The following WDR18 variants were observed in gnomAD, a reference collection of about 807,000 sequenced individuals.
The protein encoded by WDR18 is WD repeat-containing protein 18.
In WDR18, 33 loss-of-function variants were observed where a neutral mutation model predicts 49.6. The ratio of observed to expected loss-of-function variants is 0.67; its 90% CI spans 0.50 to 0.89. The LOEUF (loss-of-function observed/expected upper bound fraction) is 0.89, where lower values mean the gene tolerates loss of function less well. WDR18 is among the 40% of genes least tolerant of loss of function. The probability of loss-of-function intolerance (pLI) is 0.00; values close to 1 mark genes in which losing one functional copy is unlikely to be tolerated. For missense variants in WDR18, 653 were observed against 593.6 expected, an observed-to-expected ratio of 1.10 and a Z score of -1.04; for synonymous variants, 315 against 263.6, an observed-to-expected ratio of 1.19 and a Z score of -1.89.
At position 991,269 on chromosome 19, in the gene WDR18, G is replaced by A. The variant is rs1466569291; in HGVS notation, c.849G>A (p.Val283=). Residue 283 remains valine, a synonymous_variant, in exon 7 of 10, where the codon GTG becomes GTA. Transcript: ENST00000585809. ...TGTCAGTGTCCACTGACGGCAGCGT[G>A]CTGCTCTCAGGCTCCCACGACGAGA... ...TCLSVSTDGS[V]LLSGSHDETV... The A allele has an allele frequency of 1.3e-6, 2 of 1,571,786 alleles. No individual in the cohort carries two copies. The highest frequency in any genetic ancestry group is 1.7e-6 in the Non-Finnish European group (2 of 1,157,560).
intron 7 of WDR18, 136 bp from the exon 8 acceptor site, chr19:991,819 C>T (rs1429690402): frequency 3.1e-6 from 3 of 959,032 alleles, no homozygotes; most frequent in Admixed American, 5.3e-5. Context: ...GGGGCGGGGC[C>T]TGGCTGGGGG....
intron 2 of WDR18, among the ~76,000 whole-genome samples, chr19:988,114 G>T (rs1363323979): frequency 2.0e-5 from 3 of 151,880 alleles, no homozygotes; most frequent in African/African-American, 7.3e-5. Flanking sequence ...ACAGGCGTGA[G>T]CCACTGCAGC....
chr19:990,727 A>G, intron 4 of WDR18, 125 bp from the exon 5 acceptor site: 1 of 1,382,660 alleles, frequency 7.2e-7, no homozygotes, highest in Non-Finnish European at 9.5e-7. Context: ...GACGGCTTTC[A>G]CCCAAAGTCG....
chr19:986,164 C>G (rs2038472630), intron 2 of WDR18, among the ~76,000 whole-genome samples, 189 bp downstream of exon 2: 1 of 152,198 alleles, frequency 6.6e-6, no homozygotes, highest in Non-Finnish European at 1.5e-5. Context: ...AATCCCAGAC[C>G]AGCCCTAATC....
intron 2 of WDR18, among the ~76,000 whole-genome samples, chr19:989,193 A>AC (rs151209822): frequency 9.5e-5 from 11 of 115,212 alleles, no homozygotes; most frequent in African/African-American, 2.2e-4. Flanking sequence ...CGAACCCACA[A>AC]CCCCCCCCAG....
rs779897285 is a variant in WDR18 at position 990,319 on chromosome 19, C to T, written c.552C>T (p.Gly184=). 5.0e-6 allele frequency: 8 copies of T among 1,593,358 alleles called. No individual in the cohort carries two copies. In the South Asian group the frequency reaches 7.8e-5, roughly 15 times the overall value. The part of the protein sequence containing the change: ...PITDLHCGFG[G]PLARVATSSL... ...CGGACCTGCACTGCGGCTTTGGGGG[C>T]CCCCTGGCCCGGGTGGCCACCTCCT... The change falls in exon 4 of 10, where the codon GGC becomes GGT. Residue 184 remains glycine (G), a synonymous_variant. Transcript: ENST00000585809.
chr19:990,185 G>C (rs10409367), intron 3 of WDR18, 38 bp from the exon 4 acceptor site: 1,050,784 of 1,561,824 alleles, frequency 0.67, 358,402 homozygotes, highest in Non-Finnish European at 0.71. Flanking sequence ...TGTTCCCTCC[G>C]CTCCCCGCCT....
At chr19:987,503 T>A (rs1599444616) in intron 2 of WDR18, among the ~76,000 whole-genome samples, 5 of 152,296 alleles carry the variant, frequency 3.3e-5, no homozygotes, top group Middle Eastern at 6.8e-3. Flanking sequence ...GCTCAAGCGA[T>A]CCTCCCAGGT....
chr19:984,781 G>T (rs548082491), intron 1 of WDR18, among the ~76,000 whole-genome samples: 7 of 151,728 alleles, frequency 4.6e-5, no homozygotes, highest in African/African-American at 1.7e-4. Flanking sequence ...TCAGGCCTGA[G>T]CTGCTATGGG....
chr19:990,259 C>T lies in WDR18; in HGVS notation c.492C>T (p.Pro164=). ...LQADPSRIPA[P]RHVWSHHALP... ...CCGACCCCTCCAGGATTCCGGCGCC[C>T]AGGCACGTCTGGTCTCACCACGCGC... is the stretch of plus-strand genomic sequence containing the variant. The change falls in exon 4 of 10, where the codon CCC becomes CCT. Residue 164 remains proline (P), a synonymous_variant. Transcript: ENST00000585809. 6.3e-7 allele frequency: 1 copy of T among 1,599,204 alleles called. No homozygotes were observed.
At position 994,088 on chromosome 19, in the gene WDR18, G is replaced by A; in HGVS notation, c.1167G>A (p.Lys389=). The A allele has an allele frequency of 6.4e-7, 1 of 1,556,750 alleles. No individual in the cohort carries two copies. Residue 389 remains lysine (K), a splice_region_variant and synonymous_variant, in exon 9 of 10, where the codon AAG becomes AAA. Transcript: ENST00000585809. ...CCGTCCTGTGCAGCACCATGGAGAA[G>A]GTGGGCGGGGCCTCGGGAGGGGCGG... ...LQAVLCSTME[K]SVLGGQDQLR...
At chr19:986,679 G>C (rs1031695229) in intron 2 of WDR18, among the ~76,000 whole-genome samples, 1 of 152,210 alleles carries the variant, frequency 6.6e-6, no homozygotes, top group Non-Finnish European at 1.5e-5. Context: ...AACTGTTCAG[G>C]CTTTGCATTT....
rs947630934 is a variant in WDR18 at position 994,046 on chromosome 19, C to G, written c.1125C>G (p.Arg375=). 1 of 1,560,250 alleles carries G rather than the reference C, an allele frequency of 6.4e-7. No individual in the cohort carries two copies. The highest frequency in any genetic ancestry group is 8.7e-7 in the Non-Finnish European group (1 of 1,153,352). ...QQGSEPSYLD[R]TEQLQAVLCS... ...GCTCGGAGCCCAGCTACCTGGACCG[C>G]ACGGAGCAGCTGCAGGCCGTCCTGT... is the stretch of plus-strand genomic sequence containing the variant. The change falls in exon 9 of 10, where the codon CGC becomes CGG. Residue 375 remains arginine (R), a synonymous_variant. Coordinates refer to ENST00000585809, the MANE Select transcript of WDR18 (RefSeq NM_024100.4).
rs3815160 is a variant in WDR18, at chr19:989,025, C to A, written c.322-737C>A. ...CTCAGCTCTCGAATCCACAACCCCC[C>A]ACAGAGCATCTCAGGCCTCGAACCC... On this transcript the variant is annotated intron_variant, in intron 2 of 9. Transcript: ENST00000585809. Among the ~76,000 whole-genome samples the A allele has an allele frequency of 7.4e-3, 732 of 99,034 alleles. 3 individuals are homozygous for A. Among genetic ancestry groups the A allele is most frequent in the South Asian group, 8.9e-3 (21 of 2,372 alleles). 65.0% of individuals were successfully genotyped at this position (99,034 alleles called of 152,430 possible).
chr19:991,578 G>A (rs1183098408), intron 7 of WDR18, among the ~76,000 whole-genome samples: 1 of 104,378 alleles, frequency 9.6e-6, no homozygotes, highest in Non-Finnish European at 2.0e-5. Flanking sequence ...GCGGGGCCTG[G>A]CTGGGAGCGT....
chr19:989,456 T>C (rs2038515970), intron 2 of WDR18, among the ~76,000 whole-genome samples: 1 of 152,086 alleles, frequency 6.6e-6, no homozygotes, highest in Admixed American at 6.5e-5. Flanking sequence ...GGGGTCAGGC[T>C]CACAGGGGAC....
At chr19:984,701 G>A (rs923229459) in intron 1 of WDR18, 138 bp downstream of exon 1, 19 of 954,996 alleles carry the variant, frequency 2.0e-5, no homozygotes, top group Non-Finnish European at 2.8e-5. Context: ...GGCGCTCTGC[G>A]CATGCGCGGG....
upstream of WDR18, chr19:984,268 C>A (rs542186801): frequency 1.5e-6 from 2 of 1,332,882 alleles, no homozygotes; most frequent in Non-Finnish European, 2.0e-6. Flanking sequence ...CCGCTGGGGC[C>A]GCGGGGCCGC....
chr19:984,347 A>C lies in WDR18; in HGVS notation c.-7A>C. ...TGACGCACGTCCGGGGCGGTGGGGA[A>C]GGCAAGATGGCGGCGCCCATGGAGG... On this transcript the variant is annotated 5_prime_UTR_variant, in exon 1 of 10. Coordinates refer to ENST00000585809, the MANE Select transcript of WDR18 (RefSeq NM_024100.4). 6 of 1,581,264 alleles carry C rather than the reference A, an allele frequency of 3.8e-6. No homozygotes were observed. The highest frequency in any genetic ancestry group is 4.3e-6 in the Non-Finnish European group (5 of 1,165,612).
Sources: allele counts gnomAD v4.1 joint callset (sites outside exome capture counted in the v4.1 genomes callset), GRCh38; gene constraint gnomAD v4.1.1; transcripts MANE v1.5; gene names NCBI Gene and HGNC (gene_info 2026-07-23, HGNC 2026-07-21).